Variants in GREB1 observed in about 807,000 individuals in gnomAD.
GREB1 encodes the protein protein GREB1.
A neutral mutation model predicts 200.7 loss-of-function variants in GREB1; 106 were observed. That is an observed-to-expected ratio of 0.53 (90% CI 0.45 to 0.62). The LOEUF (loss-of-function observed/expected upper bound fraction) is 0.62, where lower values mean the gene tolerates loss of function less well. Among genes scored for constraint, GREB1 ranks in the 20% least tolerant of loss-of-function variants. The probability of loss-of-function intolerance (pLI) is 0.00; values close to 1 mark genes in which losing one functional copy is unlikely to be tolerated. For synonymous variants in GREB1, 1,132 were observed against 1,092.4 expected, an observed-to-expected ratio of 1.04 and a Z score of -0.72; for missense variants, 2,243 against 2,556.8, an observed-to-expected ratio of 0.88 and a Z score of 2.65.
At position 11,597,666 on chromosome 2, in the gene GREB1, C is replaced by T. The variant is rs1209448130; in HGVS notation, c.1955-115C>T. ...CGTGAGTTATTCCCCTTTCCCTCAT[C>T]GCTTTGTGAATGGGGCCGTCTCCCC... On this transcript the variant is annotated intron_variant, in intron 13 of 32. Transcript: ENST00000381486. This position sits in a 1 kb window ranked among gnomAD's most constrained non-coding sequence, Gnocchi z 4.1. The T allele has an allele frequency of 6.9e-6, 6 of 869,142 alleles. No individual in the cohort carries two copies. The highest frequency in any genetic ancestry group is 2.4e-5 in the East Asian group (1 of 41,164). 53.8% of individuals were successfully genotyped at this position (869,142 alleles called of 1,614,324 possible).
intron 15 of GREB1, 57 bp downstream of exon 15, chr2:11,598,917 G>A (rs1681509866): frequency 7.0e-7 from 1 of 1,429,690 alleles, no homozygotes; most frequent in African/African-American, 1.4e-5. Flanking sequence ...AGTGATGTAT[G>A]TGGATGTTCC....
intron 10 of GREB1, 80 bp from the exon 11 acceptor site, chr2:11,592,696 T>C: frequency 1.1e-6 from 1 of 875,440 alleles, no homozygotes; most frequent in Non-Finnish European, 1.6e-6. Context: ...CTTAGGTGGG[T>C]ACTTTCACAT....
Position 11,603,216 on chromosome 2 carries a change from A to G in GREB1, c.2666+674A>G, listed in dbSNP as rs1681943883. Among the ~76,000 whole-genome samples, 3 of 152,224 alleles carry G rather than the reference A, an allele frequency of 2.0e-5. No individual in the cohort carries two copies. The South Asian group carries it at 6.2e-4, about 32-fold the overall frequency. ...GTGATTGCCAGGGACCACATGGTTT[A>G]TTCGTGGTAAAGCCAGGCCAAGTTT... On this transcript the variant is annotated intron_variant, in intron 17 of 32. Transcript: ENST00000381486.
intron 5 of GREB1, among the ~76,000 whole-genome samples, chr2:11,577,453 TGAA>T (rs1225252449): frequency 6.6e-6 from 1 of 152,254 alleles, no homozygotes; most frequent in Non-Finnish European, 1.5e-5. Flanking sequence ...TGCTGGTCTC[TGAA>T]GAAGTGATTG....
Position 11,602,463 on chromosome 2 carries a change from T to G in GREB1, c.2587T>G (p.Ser863Ala), listed in dbSNP as rs1285319093. The G allele has an allele frequency of 2.5e-6, 4 of 1,612,890 alleles. No individual in the cohort carries two copies. The Admixed American group carries it at 6.7e-5, about 27-fold the overall frequency. The change falls in exon 17 of 33, where the codon TCC (serine) becomes GCC (alanine). Residue 863 changes from serine (S) to alanine (A), a missense_variant. Ser to Ala is a moderately conservative substitution (Grantham distance 99). Around this residue, in one of 3 missense-constraint regions of GREB1, gnomAD observed 1,178 missense variants for 1,387.4 expected, o/e 0.85. Coordinates refer to ENST00000381486, the MANE Select transcript of GREB1 (RefSeq NM_014668.4). ...KYFGLSEFIE[S>A]TLSGHSLPLL... ...CTTCGGGCTGTCGGAGTTTATTGAA[T>G]CCACCCTTTCAGGACACAGCCTCCC...
At chr2:11,575,911 C>T (rs534241787) in intron 4 of GREB1, among the ~76,000 whole-genome samples, 6 of 152,212 alleles carry the variant, frequency 3.9e-5, no homozygotes, top group East Asian at 3.8e-4. Flanking sequence ...CCCTCAAGCA[C>T]GTTAAATCTT....
At chr2:11,590,022 C>T (rs376402645) in intron 10 of GREB1, among the ~76,000 whole-genome samples, 7 of 152,100 alleles carry the variant, frequency 4.6e-5, no homozygotes, top group African/African-American at 1.2e-4. Flanking sequence ...ATATTAAAGC[C>T]GTGAGACCAG....
At chr2:11,607,529 C>T (rs4422139) in intron 17 of GREB1, among the ~76,000 whole-genome samples, 1 of 91,972 alleles carries the variant, frequency 1.1e-5, no homozygotes, top group Admixed American at 9.9e-5. Flanking sequence ...CATATATATA[C>T]ACATATATAT....
chr2:11,630,887 A>T (rs1473525235), intron 26 of GREB1, among the ~76,000 whole-genome samples: 3 of 152,202 alleles, frequency 2.0e-5, no homozygotes, highest in Non-Finnish European at 4.4e-5. Context: ...CGCTCAAGGC[A>T]GGCCATGTGG....
intron 1 of GREB1, among the ~76,000 whole-genome samples, chr2:11,509,543 C>T (rs556957328): frequency 1.3e-5 from 2 of 152,164 alleles, no homozygotes; most frequent in South Asian, 2.1e-4. Flanking sequence ...CCTTATTATA[C>T]CAATTATCCA....
chr2:11,612,697 C>A, intron 19 of GREB1, 87 bp downstream of exon 19: 1 of 811,506 alleles, frequency 1.2e-6, no homozygotes, highest in Non-Finnish European at 2.1e-6. Context: ...GGCTGCTGTG[C>A]CCTGACGGTA....
At chr2:11,500,254 C>T (rs578128450) in intron 1 of GREB1, among the ~76,000 whole-genome samples, 2 of 151,692 alleles carry the variant, frequency 1.3e-5, no homozygotes, top group African/African-American at 2.4e-5. Context: ...CTCCACCTCC[C>T]GAGTTCAAGT....
chr2:11,633,946 A>G lies in GREB1; in HGVS notation c.4992-185A>G, dbSNP rs953445713. 3.9e-5 allele frequency among the ~76,000 whole-genome samples: 6 copies of G among 152,242 alleles called. No homozygotes were observed. Among genetic ancestry groups the G allele is most frequent in the Non-Finnish European group, 7.3e-5 (5 of 68,040 alleles). ...TATGGTCTGCAAATGTGTTCAGCAC[A>G]TAGCAGAAATGAGCGCCCGTGGGAA... On this transcript the variant is annotated intron_variant, in intron 28 of 32. Coordinates refer to ENST00000381486, the MANE Select transcript of GREB1 (RefSeq NM_014668.4). The surrounding 1 kb of genome is among the most constrained non-coding windows in gnomAD (Gnocchi z 4.1).
intron 12 of GREB1, 79 bp downstream of exon 12, chr2:11,595,458 C>A: frequency 6.8e-7 from 1 of 1,465,348 alleles, no homozygotes. Flanking sequence ...ATCTCTGCCT[C>A]ACCCTGCCTG....
chr2:11,557,983 A>C (rs1676606940), intron 2 of GREB1, among the ~76,000 whole-genome samples: 1 of 152,240 alleles, frequency 6.6e-6, no homozygotes, highest in Non-Finnish European at 1.5e-5. Context: ...CATCCTCTAC[A>C]TCTATAGTAT....
Position 11,589,857 on chromosome 2 carries a change from G to A in GREB1, c.1345+926G>A, listed in dbSNP as rs140808656. Reference sequence around the variant, plus strand: ...AGCCTGAGCAGCCAGGTGAATGGTGGCAATGAACCTGAGTTCTGTCTTGGC... The same window carrying A: ...AGCCTGAGCAGCCAGGTGAATGGTGACAATGAACCTGAGTTCTGTCTTGGC... On this transcript the variant is annotated intron_variant, in intron 10 of 32. Coordinates refer to ENST00000381486, the MANE Select transcript of GREB1 (RefSeq NM_014668.4). Among the ~76,000 whole-genome samples the A allele has an allele frequency of 2.4e-3, 361 of 152,284 alleles. 3 individuals carry two copies. The highest frequency in any genetic ancestry group is 8.1e-3 in the African/African-American group (337 of 41,538).
At chr2:11,582,449 A>G (rs11674605) in intron 7 of GREB1, among the ~76,000 whole-genome samples, 88,036 of 152,000 alleles carry the variant, frequency 0.58, 26,733 homozygotes, top group African/African-American at 0.77. Flanking sequence ...TCCTGTCTCC[A>G]TGCTCTGTGC....
chr2:11,532,469 A>G (rs1232178165), upstream of GREB1, among the ~76,000 whole-genome samples: 1 of 152,212 alleles, frequency 6.6e-6, no homozygotes, highest in Non-Finnish European at 1.5e-5. Context: ...ATCTTTCCTT[A>G]CGCCTTTAGT....
chr2:11,619,856 G>T (rs1008812690), intron 22 of GREB1, among the ~76,000 whole-genome samples: 2 of 152,152 alleles, frequency 1.3e-5, no homozygotes, highest in Non-Finnish European at 2.9e-5. Flanking sequence ...CTGTGGTTGG[G>T]TGTCATATTT....
Sources: gnomAD v4.1 joint callset for allele counts (sites outside exome capture counted in the v4.1 genomes callset) on GRCh38, gnomAD v4.1.1 for gene constraint, gnomAD v4.1.1 regional missense constraint, Gnocchi (gnomAD v3.1) non-coding constraint, MANE v1.5 for transcripts, NCBI Gene and HGNC (gene_info 2026-07-23, HGNC 2026-07-21) for gene names.